PKD2: variants seen among roughly 807,000 people sequenced by gnomAD.
PKD2 encodes the protein polycystin 2, transient receptor potential cation channel, also known as polycystin-2.
Under a neutral mutation model 105.9 loss-of-function variants are expected in PKD2, and 48 were observed. That is an observed-to-expected ratio of 0.45 (90% CI 0.36 to 0.58). The LOEUF (loss-of-function observed/expected upper bound fraction) is 0.58. Among genes scored for constraint, PKD2 ranks in the 20% least tolerant of loss-of-function variants. The pLI is 0.00. For synonymous variants in PKD2, 464 were observed against 481.1 expected, an observed-to-expected ratio of 0.96 and a Z score of 0.46; for missense variants, 1,078 against 1,255.3, an observed-to-expected ratio of 0.86 and a Z score of 2.13.
In PKD2 at chr4:88,077,505, C is replaced by G. The variant is rs1204326309; in HGVS notation, c.*1811C>G. 3.3e-5 allele frequency: 5 copies of G among 152,574 alleles called. No individual in the cohort carries two copies. The highest frequency in any genetic ancestry group is 6.5e-5 in the Admixed American group (1 of 15,270). The allele number at this position is 152,574 out of a possible 1,614,324, so 9.5% of individuals were successfully genotyped here. A position where few individuals can be genotyped will look rare whatever the true frequency, so the allele number is the denominator to read the frequency against. On this transcript the variant is annotated 3_prime_UTR_variant, in exon 15 of 15. Transcript: ENST00000237596. The stretch of plus-strand genomic sequence containing the variant: ...ATGTGCCATATATCAATTATGGTCA[C>G]TAGAAAGTCTCTTTATGATACTTTT...
intron 14 of PKD2, 115 bp from the exon 15 acceptor site, chr4:88,075,342 TG>T (rs1026654058): frequency 7.1e-6 from 6 of 849,048 alleles, no homozygotes; most frequent in Non-Finnish European, 1.0e-5. Context: ...CTCTGAGATT[TG>T]CTATTATATG....
chr4:88,052,075 T>G lies in PKD2; in HGVS notation c.1633T>G (p.Phe545Val), dbSNP rs534844913. 6.2e-7 allele frequency: 1 copy of G among 1,603,462 alleles called. No individual in the cohort carries two copies. Among genetic ancestry groups the G allele is most frequent in the East Asian group, 2.2e-5 (1 of 44,788 alleles). The part of the protein sequence containing the change: ...LLQFLEDQNT[F>V]PNFEHLAYWQ... ...ACAGTTTCTGGAAGATCAAAATACT[T>G]TCCCCAACTTTGAGCATCTGGCATA... The change falls in exon 7 of 15, where the codon TTC (phenylalanine) becomes GTC (valine). Residue 545 changes from phenylalanine to valine, a missense_variant. By Grantham distance (50) the Phe-to-Val change is conservative (BLOSUM62 -1). Around this residue, in one of 2 missense-constraint regions of PKD2, gnomAD observed 868 missense variants for 1,067.3 expected, o/e 0.81. Transcript: ENST00000237596.
chr4:88,042,860 T>C lies in PKD2; in HGVS notation c.1095-373T>C, dbSNP rs150279240. 2.1e-3 allele frequency among the ~76,000 whole-genome samples: 326 copies of C among 152,300 alleles called. 1 individual carries two copies. Among genetic ancestry groups the C allele is most frequent in the African/African-American group, 7.6e-3 (317 of 41,554 alleles). On this transcript the variant is annotated intron_variant, in intron 4 of 14. Transcript: ENST00000237596. ...AACTTGTCCCTCTTTTGGCTGTAAT[T>C]TTCTCTGGGGACCTCAAGTCGTCTA...
chr4:88,043,986 G>C (rs1029943612), intron 5 of PKD2, among the ~76,000 whole-genome samples: 1 of 152,188 alleles, frequency 6.6e-6, no homozygotes, highest in Non-Finnish European at 1.5e-5. Flanking sequence ...ATGTTGCCAT[G>C]ATGACCCCTC....
chr4:88,059,694 A>G (rs554687832), intron 9 of PKD2, among the ~76,000 whole-genome samples: 1 of 152,280 alleles, frequency 6.6e-6, no homozygotes, highest in South Asian at 2.1e-4. Context: ...ACAAAAAAGA[A>G]TTGCTCTCCT....
Position 88,008,024 on chromosome 4 carries a change from G to T in PKD2, c.291G>T (p.Glu97Asp). The T allele has an allele frequency of 4.2e-6, 5 of 1,204,596 alleles. No individual in the cohort carries two copies. The highest frequency in any genetic ancestry group is 5.5e-6 in the Non-Finnish European group (5 of 914,782). 74.6% of individuals were successfully genotyped at this position (1,204,596 alleles called of 1,614,324 possible). A position where few individuals can be genotyped will look rare whatever the true frequency, so the allele number is the denominator to read the frequency against. The change falls in exon 1 of 15, where the codon GAG becomes GAT. Residue 97 changes from glutamate (E) to aspartate (D), a missense_variant. Transcript: ENST00000237596. ...GCGATAACCCCGGCTTCGAGGCCGA[G>T]GAGGAGGAGGAGGAGGTGGAAGGGG... ...WSRDNPGFEA[E>D]EEEEEVEGEE...
In PKD2 at chr4:88,076,119, T is replaced by C; in HGVS notation, c.*425T>C. On this transcript the variant is annotated 3_prime_UTR_variant, in exon 15 of 15. Transcript: ENST00000237596. Reference sequence around the variant, plus strand: ...GAAAATGGGGCATTCCTTTCCACTCTGGCATAGTTCATGAGCTTAATACAT... The same window carrying C: ...GAAAATGGGGCATTCCTTTCCACTCCGGCATAGTTCATGAGCTTAATACAT... 1 of 210,582 alleles carries C rather than the reference T, an allele frequency of 4.7e-6. No homozygotes were observed. Among genetic ancestry groups the C allele is most frequent in the Non-Finnish European group, 9.6e-6 (1 of 103,840 alleles). The allele number at this position is 210,582 out of a possible 1,614,324, so 13.0% of individuals were successfully genotyped here.
intron 13 of PKD2, among the ~76,000 whole-genome samples, chr4:88,073,985 T>G (rs1447195352): frequency 6.6e-6 from 1 of 152,202 alleles, no homozygotes; most frequent in African/African-American, 2.4e-5. Flanking sequence ...ACATGCTGTT[T>G]TCATACTGTT....
At chr4:88,040,986 C>T (rs1727541538) in intron 4 of PKD2, among the ~76,000 whole-genome samples, 1 of 152,164 alleles carries the variant, frequency 6.6e-6, no homozygotes, top group Admixed American at 6.5e-5. Flanking sequence ...GCTGGAGAAA[C>T]AAAGCAGCAG....
At chr4:88,029,999 A>G (rs963262831) in intron 2 of PKD2, among the ~76,000 whole-genome samples, 1 of 152,182 alleles carries the variant, frequency 6.6e-6, no homozygotes, top group African/African-American at 2.4e-5. Flanking sequence ...TGGTTTAAGT[A>G]TGAAAGTGAC....
chr4:88,016,354 G>A (rs1464946799), intron 1 of PKD2, among the ~76,000 whole-genome samples: 1 of 152,184 alleles, frequency 6.6e-6, no homozygotes, highest in Non-Finnish European at 1.5e-5. Flanking sequence ...TACCTTCAAT[G>A]CTGGGAAGTT....
intron 6 of PKD2, among the ~76,000 whole-genome samples, chr4:88,051,650 A>G (rs1218815917): frequency 6.6e-6 from 1 of 152,212 alleles, no homozygotes. Flanking sequence ...GGCAGAAAAA[A>G]CAGAAAGCAT....
At chr4:88,070,890 C>T (rs1721008737) in intron 13 of PKD2, among the ~76,000 whole-genome samples, 1 of 151,962 alleles carries the variant, frequency 6.6e-6, no homozygotes, top group South Asian at 2.1e-4. Context: ...CCGCCTCGGC[C>T]TCCCAAAGTG....
At chr4:88,009,544 A>G (rs1264709971) in intron 1 of PKD2, among the ~76,000 whole-genome samples, 1 of 151,584 alleles carries the variant, frequency 6.6e-6, no homozygotes, top group East Asian at 1.9e-4. Context: ...ACTCTTTGGG[A>G]GAATTAAGTG....
intron 4 of PKD2, among the ~76,000 whole-genome samples, chr4:88,040,480 T>G (rs957228789): frequency 1.3e-5 from 2 of 152,218 alleles, no homozygotes; most frequent in African/African-American, 4.8e-5. Context: ...ATCTAAACTA[T>G]CCTTTTATTC....
chr4:88,045,580 T>A (rs568248267), intron 5 of PKD2, among the ~76,000 whole-genome samples: 30 of 152,320 alleles, frequency 2.0e-4, no homozygotes, highest in African/African-American at 6.7e-4. Flanking sequence ...AGCTAGAGAT[T>A]CTATTTCTAG....
chr4:88,007,751 C>G lies in PKD2; in HGVS notation c.18C>G (p.Arg6=). The G allele has an allele frequency of 5.8e-6, 7 of 1,202,014 alleles. No individual in the cohort carries two copies. Among genetic ancestry groups the G allele is most frequent in the Admixed American group, 3.3e-5 (1 of 30,220 alleles). The allele number at this position is 1,202,014 out of a possible 1,614,324, so 74.5% of individuals were successfully genotyped here. ...TGACCGCGATGGTGAACTCCAGTCG[C>G]GTGCAGCCTCAGCAGCCCGGGGACG... The part of the protein sequence containing the change: MVNSS[R]VQPQQPGDAK... Residue 6 remains arginine, a synonymous_variant, in exon 1 of 15, where the codon CGC becomes CGG. Transcript: ENST00000237596.
intron 4 of PKD2, among the ~76,000 whole-genome samples, chr4:88,039,870 T>G (rs1378805084): frequency 6.6e-6 from 1 of 152,138 alleles, no homozygotes; most frequent in Non-Finnish European, 1.5e-5. Context: ...GCCTCCCAAG[T>G]AGCTGGGACT....
intron 5 of PKD2, 62 bp downstream of exon 5, chr4:88,043,519 G>GCTAACCCCA: frequency 2.4e-6 from 3 of 1,248,582 alleles, no homozygotes; most frequent in Non-Finnish European, 2.3e-6. Context: ...TCCTATTCTG[G>GCTAACCCCA]GGTTAGCCAG....
Sources: gnomAD v4.1 joint callset for allele counts (sites outside exome capture counted in the v4.1 genomes callset) on GRCh38, gnomAD v4.1.1 for gene constraint, gnomAD v4.1.1 regional missense constraint, MANE v1.5 for transcripts, NCBI Gene and HGNC (gene_info 2026-07-23, HGNC 2026-07-21) for gene names.